HDAC4: variants seen among roughly 807,000 people sequenced by gnomAD.
The protein encoded by HDAC4 is histone deacetylase A.
A neutral mutation model predicts 135.1 loss-of-function variants in HDAC4; 16 were observed. The observed-to-expected ratio is 0.12, with a 90% CI of 0.08 to 0.18. The LOEUF (loss-of-function observed/expected upper bound fraction) is 0.18, where lower values mean the gene tolerates loss of function less well. Among genes scored for constraint, HDAC4 ranks in the 10% least tolerant of loss-of-function variants. The pLI is 1.00. For synonymous variants in HDAC4, 685 were observed against 653.4 expected, an observed-to-expected ratio of 1.05 and a Z score of -0.74; for missense variants, 1,143 against 1,511.8, an observed-to-expected ratio of 0.76 and a Z score of 4.05.
chr2:239,397,046 C>T (rs1381230181), intron 1 of HDAC4, among the ~76,000 whole-genome samples: 3 of 152,236 alleles, frequency 2.0e-5, no homozygotes, highest in African/African-American at 4.8e-5. Flanking sequence ...CTATGAAACG[C>T]GCCTGTAACA....
chr2:239,305,926 C>T (rs547037318), intron 2 of HDAC4, among the ~76,000 whole-genome samples: 9 of 152,320 alleles, frequency 5.9e-5, no homozygotes, highest in East Asian at 1.9e-4. Flanking sequence ...AAGGAGACCA[C>T]GGAGGAACCG....
chr2:239,164,919 G>A (rs1358741093), intron 5 of HDAC4, among the ~76,000 whole-genome samples: 4 of 152,146 alleles, frequency 2.6e-5, no homozygotes, highest in African/African-American at 9.7e-5. Context: ...GTAAATTGCT[G>A]TCCAAAATAT....
chr2:239,102,910 C>A lies in HDAC4; in HGVS notation c.2113-14G>T. 2 of 1,613,598 alleles carry A rather than the reference C, an allele frequency of 1.2e-6. No homozygotes were observed. The highest frequency in any genetic ancestry group is 1.7e-6 in the Non-Finnish European group (2 of 1,179,948). ...TCCGCGGATGCACTGTGGGGACAGG[C>A]GAGAGGACACTCACACGTTCTGCAG... is the stretch of plus-strand genomic sequence containing the variant. On this transcript the variant is annotated splice_polypyrimidine_tract_variant and intron_variant, in intron 15 of 26. Transcript: ENST00000543185.
intron 2 of HDAC4, among the ~76,000 whole-genome samples, chr2:239,302,788 A>G (rs2052345919): frequency 6.6e-6 from 1 of 152,222 alleles, no homozygotes; most frequent in South Asian, 2.1e-4. Context: ...CAAGGCAGTC[A>G]TCTAAGAACT....
In HDAC4 at chr2:239,052,095, G is replaced by A. The variant is rs2030940559; in HGVS notation, c.*1002C>T. On this transcript the variant is annotated 3_prime_UTR_variant, in exon 27 of 27. Coordinates refer to ENST00000543185, the MANE Select transcript of HDAC4 (RefSeq NM_001378414.1). ...CAGATGGAGATGCTCAATCGTATGT[G>A]ACGTGTGAGAACACTTTGGATTCGT... 6.6e-6 allele frequency: 1 copy of A among 152,592 alleles called. No homozygotes were observed. Among genetic ancestry groups the A allele is most frequent in the Non-Finnish European group, 1.5e-5 (1 of 68,046 alleles). The allele number at this position is 152,592 out of a possible 1,614,324, so 9.5% of individuals were successfully genotyped here.
intron 3 of HDAC4, among the ~76,000 whole-genome samples, chr2:239,191,827 G>A (rs1358492574): frequency 1.3e-5 from 2 of 152,220 alleles, no homozygotes; most frequent in East Asian, 1.9e-4. Flanking sequence ...CTCAGGCCAC[G>A]AAGACCAGCT....
intron 6 of HDAC4, among the ~76,000 whole-genome samples, 190 bp downstream of exon 6, chr2:239,163,613 C>T (rs1029025484): frequency 7.2e-5 from 11 of 152,056 alleles, no homozygotes; most frequent in Non-Finnish European, 1.3e-4. Flanking sequence ...TCCGTGAGGA[C>T]GGCTGCCGCA....
At chr2:239,398,338 T>C (rs1038817142) in intron 1 of HDAC4, among the ~76,000 whole-genome samples, 1 of 152,256 alleles carries the variant, frequency 6.6e-6, no homozygotes, top group Admixed American at 6.5e-5. Context: ...GCCTTTCCTT[T>C]GGTGCCACCC....
Position 239,108,144 on chromosome 2 carries a change from G to C in HDAC4, c.2018C>G (p.Thr673Ser). ...GGGGTGGCTGCTGCTACTCCCGCAG[G>C]TGCACTGGTGCTTCAGCATCAGCGT... is the stretch of plus-strand genomic sequence containing the variant. ...YDTLMLKHQC[T>S]CGSSSSHPEH... Residue 673 changes from threonine to serine, a missense_variant, in exon 15 of 27, where the codon ACC becomes AGC. By Grantham distance (58) the Thr-to-Ser change is moderately conservative. Coordinates refer to ENST00000543185, the MANE Select transcript of HDAC4 (RefSeq NM_001378414.1). The C allele has an allele frequency of 6.2e-7, 1 of 1,606,608 alleles. No individual in the cohort carries two copies. The highest frequency in any genetic ancestry group is 1.1e-5 in the South Asian group (1 of 90,146).
chr2:239,343,367 A>G (rs779041808), intron 2 of HDAC4, among the ~76,000 whole-genome samples: 1 of 152,254 alleles, frequency 6.6e-6, no homozygotes, highest in Non-Finnish European at 1.5e-5. Flanking sequence ...CAGTCCCAAC[A>G]TTCTAAGGAC....
intron 3 of HDAC4, among the ~76,000 whole-genome samples, chr2:239,195,555 C>T (rs889354826): frequency 2.0e-5 from 3 of 152,168 alleles, no homozygotes; most frequent in Non-Finnish European, 4.4e-5. Flanking sequence ...CTGTGTCAGA[C>T]GTGACTTGTG....
intron 12 of HDAC4, among the ~76,000 whole-genome samples, chr2:239,120,698 G>T (rs1328410574): frequency 6.6e-6 from 1 of 152,002 alleles, no homozygotes; most frequent in Non-Finnish European, 1.5e-5. Flanking sequence ...TCCCAGCAAT[G>T]ACCGAAGTGG....
chr2:239,141,289 G>A lies in HDAC4; in HGVS notation c.866-1493C>T, dbSNP rs2041359270. ...TCTAAACCTCCCAAGGGCAAACCAG[G>A]GTGTCCACCCAGAAGCCCTACACCA... On this transcript the variant is annotated intron_variant, in intron 8 of 26. Transcript: ENST00000543185. The surrounding 1 kb of genome is among the most constrained non-coding windows in gnomAD (Gnocchi z 4.9). Among the ~76,000 whole-genome samples the A allele has an allele frequency of 6.6e-6, 1 of 151,996 alleles. No homozygotes were observed. Among genetic ancestry groups the A allele is most frequent in the South Asian group, 2.1e-4 (1 of 4,824 alleles).
intron 12 of HDAC4, among the ~76,000 whole-genome samples, chr2:239,123,351 C>T (rs775624739): frequency 1.3e-5 from 2 of 151,674 alleles, no homozygotes; most frequent in Non-Finnish European, 2.9e-5. Context: ...ATTTCTGATG[C>T]GTTCCCTGCT....
intron 23 of HDAC4, among the ~76,000 whole-genome samples, chr2:239,067,529 G>A (rs542589826): frequency 2.6e-5 from 4 of 152,256 alleles, no homozygotes; most frequent in Non-Finnish European, 5.9e-5. Flanking sequence ...CAGGGGCTTC[G>A]AGGCAGCTGT....
At chr2:239,135,190 T>C (rs1360847394) in intron 9 of HDAC4, among the ~76,000 whole-genome samples, 1 of 152,190 alleles carries the variant, frequency 6.6e-6, no homozygotes, top group East Asian at 1.9e-4. Context: ...TATTACAAAT[T>C]GCATGCCTGT....
chr2:239,346,047 AACAC>A (rs973278299), intron 2 of HDAC4, among the ~76,000 whole-genome samples: 2 of 144,298 alleles, frequency 1.4e-5, no homozygotes, highest in Admixed American at 6.8e-5. Flanking sequence ...CACCGTCTGA[AACAC>A]ACACACCCCC....
intron 4 of HDAC4, among the ~76,000 whole-genome samples, chr2:239,188,936 C>A (rs960732777): frequency 6.6e-6 from 1 of 152,256 alleles, no homozygotes; most frequent in Non-Finnish European, 1.5e-5. Context: ...ACAGCCCTGC[C>A]TGACATCTTA....
Position 239,068,426 on chromosome 2 carries a change from G to A in HDAC4, c.2869+63C>T, listed in dbSNP as rs1022593655. ...TTATTAAAAAGGGGACCTGACACGCGGAACACAGCGGATCATGGACATGAG... is the reference window on the plus strand; with the variant it reads ...TTATTAAAAAGGGGACCTGACACGCAGAACACAGCGGATCATGGACATGAG... On this transcript the variant is annotated intron_variant, in intron 23 of 26. Transcript: ENST00000543185. The surrounding 1 kb of genome is among the most constrained non-coding windows in gnomAD (Gnocchi z 4.4). The A allele has an allele frequency of 1.0e-5, 12 of 1,183,922 alleles. No homozygotes were observed. The highest frequency in any genetic ancestry group is 3.6e-5 in the South Asian group (3 of 82,520). 73.3% of individuals were successfully genotyped at this position (1,183,922 alleles called of 1,614,324 possible). A position where few individuals can be genotyped will look rare whatever the true frequency, so the allele number is the denominator to read the frequency against.
Sources: allele counts gnomAD v4.1 joint callset (sites outside exome capture counted in the v4.1 genomes callset), GRCh38; gene constraint gnomAD v4.1.1; non-coding constraint Gnocchi (gnomAD v3.1); transcripts MANE v1.5; gene names NCBI Gene and HGNC (gene_info 2026-07-23, HGNC 2026-07-21).